ANKRD17: variants seen among roughly 807,000 people sequenced by gnomAD.
ANKRD17 encodes the protein ankyrin repeat domain-containing protein 17.
ANKRD17 carries 19 observed loss-of-function variants against 229.7 expected under a neutral mutation model. The ratio of observed to expected loss-of-function variants is 0.08; its 90% CI spans 0.06 to 0.12. The LOEUF (loss-of-function observed/expected upper bound fraction) is 0.12, where lower values mean the gene tolerates loss of function less well. Ranked by LOEUF, ANKRD17 falls within the 10% of genes least tolerant of loss-of-function variation. The pLI is 1.00. For missense variants in ANKRD17, 2,176 were observed against 3,176.8 expected (o/e 0.68, Z 7.57); for synonymous variants, 1,112 against 1,146.1 (o/e 0.97, Z 0.60).
Position 73,077,094 on chromosome 4 carries a change from A to G in ANKRD17, c.7598T>C (p.Phe2533Ser). 6.3e-7 allele frequency: 1 copy of G among 1,582,274 alleles called. No individual in the cohort carries two copies. The highest frequency in any genetic ancestry group is 8.6e-7 in the Non-Finnish European group (1 of 1,166,920). ...MDFPKVGGMP[F>S]SVYGNAMIPP... The stretch of plus-strand genomic sequence containing the variant: ...AATCATTGCATTCCCATACACAGAA[A>G]AAGGCATACCCTTAAAAAAGGAAAA... The change falls in exon 33 of 34, where the codon TTT becomes TCT. Residue 2533 changes from phenylalanine to serine, a missense_variant. By Grantham distance (155) the Phe-to-Ser change is radical. Coordinates refer to ENST00000358602, the MANE Select transcript of ANKRD17 (RefSeq NM_032217.5).
intron 2 of ANKRD17, among the ~76,000 whole-genome samples, chr4:73,174,958 T>A (rs375354143): frequency 2.0e-5 from 3 of 152,334 alleles, no homozygotes; most frequent in South Asian, 4.1e-4. Context: ...TCCATGTTCA[T>A]GGGTTGGAAG....
chr4:73,244,348 G>T (rs966399624), intron 1 of ANKRD17, among the ~76,000 whole-genome samples: 2 of 152,072 alleles, frequency 1.3e-5, no homozygotes, highest in Admixed American at 1.3e-4. Flanking sequence ...TCTTGTAGAT[G>T]AACACTCCAA....
intron 29 of ANKRD17, among the ~76,000 whole-genome samples, chr4:73,086,919 A>AAATATAT (rs1553911000): frequency 3.2e-4 from 4 of 12,464 alleles, no homozygotes; most frequent in African/African-American, 5.2e-4. Flanking sequence ...AAAAAAAAAA[A>AAATATAT]ATATATATAT....
rs143690709 is a variant in ANKRD17, at chr4:73,140,072, G to T, written c.2544C>A (p.Ile848=). Residue 848 remains isoleucine (I), a synonymous_variant, in exon 15 of 34, where the codon ATC becomes ATA. Coordinates refer to ENST00000358602, the MANE Select transcript of ANKRD17 (RefSeq NM_032217.5). ...AHADQLTKEK[I]EELNKTREEQ... The stretch of plus-strand genomic sequence containing the variant: ...CCTCCCTTGTTTTGTTGAGCTCCTC[G>T]ATCTTCTCCTTGGTAAGTTGGTCAG... 6 of 1,613,906 alleles carry T rather than the reference G, an allele frequency of 3.7e-6. No individual in the cohort carries two copies. The highest frequency in any genetic ancestry group is 5.1e-6 in the Non-Finnish European group (6 of 1,180,006).
intron 1 of ANKRD17, among the ~76,000 whole-genome samples, chr4:73,249,307 A>T (rs1339627077): frequency 6.6e-6 from 1 of 152,194 alleles, no homozygotes; most frequent in Admixed American, 6.5e-5. Context: ...GGGATAAAAA[A>T]AGTGAAAGGT....
intron 1 of ANKRD17, among the ~76,000 whole-genome samples, chr4:73,244,072 A>G (rs1170130771): frequency 1.3e-5 from 2 of 150,752 alleles, no homozygotes; most frequent in East Asian, 1.9e-4. Context: ...GTATCCCCAC[A>G]TGGCCTTTTC....
chr4:73,138,856 T>C (rs1729245081), intron 15 of ANKRD17, among the ~76,000 whole-genome samples: 1 of 152,098 alleles, frequency 6.6e-6, no homozygotes, highest in African/African-American at 2.4e-5. Flanking sequence ...ATGAAACTAG[T>C]TATAATCGAA....
intron 1 of ANKRD17, among the ~76,000 whole-genome samples, chr4:73,217,789 A>G (rs1165884461): frequency 6.6e-6 from 1 of 152,254 alleles, no homozygotes; most frequent in Non-Finnish European, 1.5e-5. Context: ...AAAATTGCAT[A>G]AAACTACATT....
chr4:73,247,536 T>C (rs376436915), intron 1 of ANKRD17, among the ~76,000 whole-genome samples: 6 of 151,946 alleles, frequency 3.9e-5, no homozygotes, highest in African/African-American at 1.4e-4. Flanking sequence ...GAGAATAATG[T>C]GGCAAATATT....
chr4:73,223,819 C>T (rs1742163857), intron 1 of ANKRD17, among the ~76,000 whole-genome samples: 1 of 152,056 alleles, frequency 6.6e-6, no homozygotes, highest in Non-Finnish European at 1.5e-5. Flanking sequence ...GATCATCAAA[C>T]AGCAAATAAA....
At chr4:73,118,663 G>A in intron 22 of ANKRD17, 25 bp downstream of exon 22, 3 of 1,612,472 alleles carry the variant, frequency 1.9e-6, no homozygotes, top group Non-Finnish European at 2.5e-6. Flanking sequence ...AAACATCCAG[G>A]TAAATGAGGA....
At chr4:73,119,662 A>G (rs889382759) in intron 21 of ANKRD17, among the ~76,000 whole-genome samples, 4 of 152,248 alleles carry the variant, frequency 2.6e-5, no homozygotes, top group Admixed American at 6.5e-5. Flanking sequence ...TTGAGAGTGC[A>G]CGAAAACAAG....
chr4:73,075,090 A>G lies in ANKRD17; in HGVS notation c.*1141T>C, dbSNP rs897121009. On this transcript the variant is annotated 3_prime_UTR_variant, in exon 34 of 34. Transcript: ENST00000358602. ...TAACTGTTGATCCTTTTCACTGATA[A>G]TATACAAGGGTAAAAAAGCAGGAAG... 1 of 152,362 alleles carries G rather than the reference A, an allele frequency of 6.6e-6. No individual in the cohort carries two copies. The highest frequency in any genetic ancestry group is 1.5e-5 in the Non-Finnish European group (1 of 67,954). 9.4% of individuals were successfully genotyped at this position (152,362 alleles called of 1,614,324 possible). A position where few individuals can be genotyped will look rare whatever the true frequency, so the allele number is the denominator to read the frequency against.
intron 1 of ANKRD17, among the ~76,000 whole-genome samples, chr4:73,250,810 A>G (rs988430727): frequency 8.6e-5 from 13 of 151,550 alleles, no homozygotes; most frequent in Non-Finnish European, 1.5e-4. Context: ...AGGTTAAAGC[A>G]ATTCTCCTGC....
chr4:73,113,258 T>C (rs1306104123), intron 24 of ANKRD17: 114 of 1,289,172 alleles, frequency 8.8e-5, no homozygotes, highest in Non-Finnish European at 1.1e-4. Context: ...CTATATGCTG[T>C]TTTGGTGTAT....
Position 73,092,168 on chromosome 4 carries a change from T to C in ANKRD17, c.5460A>G (p.Ser1820=). The C allele has an allele frequency of 6.2e-7, 1 of 1,614,230 alleles. No homozygotes were observed. ...KSSSANSKIG[S]SAPTTTAANT... is the part of the protein sequence containing the mutation. ...TAGCAGCAGTGGTGGTAGGTGCTGATGACCCTATTTTGGAATTTGCTGAGG... is the reference window on the plus strand; with the variant it reads ...TAGCAGCAGTGGTGGTAGGTGCTGACGACCCTATTTTGGAATTTGCTGAGG... Residue 1820 remains serine, a synonymous_variant, in exon 29 of 34, where the codon TCA becomes TCG. Transcript: ENST00000358602.
In ANKRD17 at chr4:73,076,376, C is replaced by T; in HGVS notation, c.7753-86G>A. 4 of 1,061,106 alleles carry T rather than the reference C, an allele frequency of 3.8e-6. 1 individual carries two copies. Among genetic ancestry groups the T allele is most frequent in the Non-Finnish European group, 3.8e-6 (3 of 779,290 alleles). The allele number at this position is 1,061,106 out of a possible 1,614,324, so 65.7% of individuals were successfully genotyped here. On this transcript the variant is annotated intron_variant, in intron 33 of 33. Transcript: ENST00000358602. Reference sequence around the variant, plus strand: ...AAACTTTTAAAAAACTAAGGAGGTACTCTTCAATTTGCAATATACTAGGAA... The same window carrying T: ...AAACTTTTAAAAAACTAAGGAGGTATTCTTCAATTTGCAATATACTAGGAA...
At chr4:73,255,331 T>C (rs960594826) in intron 1 of ANKRD17, among the ~76,000 whole-genome samples, 1 of 152,258 alleles carries the variant, frequency 6.6e-6, no homozygotes, top group Non-Finnish European at 1.5e-5. Context: ...AGCAAAGCTA[T>C]GTATTTTTGT....
chr4:73,116,119 A>C (rs915706588), intron 22 of ANKRD17, among the ~76,000 whole-genome samples: 1 of 152,028 alleles, frequency 6.6e-6, no homozygotes, highest in African/African-American at 2.4e-5. Flanking sequence ...CTCCAAAAAA[A>C]GTACATAATA....
Sources: gnomAD v4.1 joint callset for allele counts (sites outside exome capture counted in the v4.1 genomes callset) on GRCh38, gnomAD v4.1.1 for gene constraint, MANE v1.5 for transcripts, NCBI Gene and HGNC (gene_info 2026-07-23, HGNC 2026-07-21) for gene names.